Variants in CPNE8 observed in about 807,000 individuals in gnomAD.
CPNE8 encodes copine 8.
In CPNE8, 45 loss-of-function variants were observed where a neutral mutation model predicts 81.5. The observed-to-expected ratio is 0.55, with a 90% CI of 0.44 to 0.71. CPNE8 has a LOEUF of 0.71. CPNE8 is among the 30% of genes least tolerant of loss of function. The probability of loss-of-function intolerance (pLI) is 0.00; values close to 1 mark genes in which losing one functional copy is unlikely to be tolerated. For synonymous variants in CPNE8, 252 were observed against 226.3 expected (o/e 1.11, Z -1.02); for missense variants, 594 against 672.1 (o/e 0.88, Z 1.28).
intron 14 of CPNE8, among the ~76,000 whole-genome samples, chr12:38,700,402 C>T (rs367997348): frequency 2.6e-5 from 4 of 151,888 alleles, no homozygotes; most frequent in South Asian, 4.2e-4. Context: ...ACACGCCTGG[C>T]TAATTTTTTG....
At chr12:38,696,309 T>C (rs1939795990) in intron 14 of CPNE8, among the ~76,000 whole-genome samples, 1 of 152,056 alleles carries the variant, frequency 6.6e-6, no homozygotes, top group Admixed American at 6.6e-5. Flanking sequence ...AGACAACCCT[T>C]TTTGTTTATT....
intron 16 of CPNE8, among the ~76,000 whole-genome samples, chr12:38,683,424 T>C (rs1407035767): frequency 6.6e-6 from 1 of 152,164 alleles, no homozygotes; most frequent in Non-Finnish European, 1.5e-5. Context: ...GGTATGATGC[T>C]AAGTACTGTT....
At chr12:38,797,060 G>C (rs1248658251) in intron 6 of CPNE8, among the ~76,000 whole-genome samples, 3 of 152,130 alleles carry the variant, frequency 2.0e-5, no homozygotes, top group Non-Finnish European at 2.9e-5. Flanking sequence ...GAACTGGGTG[G>C]AGCCCACCAC....
At chr12:38,671,553 A>C (rs1259225535) in intron 18 of CPNE8, among the ~76,000 whole-genome samples, 1 of 152,176 alleles carries the variant, frequency 6.6e-6, no homozygotes, top group East Asian at 1.9e-4. Flanking sequence ...AGAATTCTCT[A>C]AATAATTAAT....
intron 10 of CPNE8, among the ~76,000 whole-genome samples, chr12:38,744,260 A>ATTT (rs1163632911): frequency 6.6e-6 from 1 of 152,040 alleles, no homozygotes; most frequent in Non-Finnish European, 1.5e-5. Flanking sequence ...AATCTGAAAT[A>ATTT]TTTTCATTCT....
In CPNE8 at chr12:38,660,627, A is replaced by T. The variant is rs113856566; in HGVS notation, c.1507-6557T>A. Among the ~76,000 whole-genome samples, 1,083 of 152,332 alleles carry T rather than the reference A, an allele frequency of 7.1e-3. 19 individuals are homozygous for T. The highest frequency in any genetic ancestry group is 0.025 in the African/African-American group (1,035 of 41,572). ...CAAAATTGACAAATGGGATCTAATT[A>T]AACTAAAGAGCTTCTGCACAGCAAA... On this transcript the variant is annotated intron_variant, in intron 19 of 19. Transcript: ENST00000331366.
intron 15 of CPNE8, among the ~76,000 whole-genome samples, chr12:38,693,172 T>C (rs77598870): frequency 0.056 from 8,465 of 152,140 alleles, 518 homozygotes; most frequent in East Asian, 0.32. Context: ...AGACATAACA[T>C]GGAGAAGATC....
rs12230422 is a variant in CPNE8, at chr12:38,767,245, A to G, written c.575+390T>C. On this transcript the variant is annotated intron_variant, in intron 8 of 19. Coordinates refer to ENST00000331366, the MANE Select transcript of CPNE8 (RefSeq NM_153634.3). ...AACATTTTTACTGAAAGTTAGTCTC[A>G]GATATTATTGGCAAAAAAAACCCAC... Among the ~76,000 whole-genome samples the G allele has an allele frequency of 0.041, 6,312 of 152,158 alleles. 535 individuals carry two copies. In the East Asian group the frequency reaches 0.42, roughly 10 times the overall value.
At chr12:38,828,927 C>A (rs943139098) in intron 6 of CPNE8, among the ~76,000 whole-genome samples, 1 of 152,140 alleles carries the variant, frequency 6.6e-6, no homozygotes, top group African/African-American at 2.4e-5. Flanking sequence ...TTAGTGATTA[C>A]CTTCTCCCAA....
chr12:38,790,106 G>T (rs1942288144), intron 6 of CPNE8, among the ~76,000 whole-genome samples: 1 of 151,586 alleles, frequency 6.6e-6, no homozygotes, highest in African/African-American at 2.4e-5. Flanking sequence ...ATATCTACTA[G>T]GTATATACAA....
chr12:38,906,154 G>A (rs1944569155), upstream of CPNE8: 1 of 985,808 alleles, frequency 1.0e-6, no homozygotes, highest in Non-Finnish European at 1.2e-6. Flanking sequence ...CGCCCTCGGA[G>A]CTCTTGGGAG....
chr12:38,906,037 G>T, upstream of CPNE8: 1 of 987,276 alleles, frequency 1.0e-6, no homozygotes, highest in Non-Finnish European at 1.2e-6. Context: ...TGGACGGGAA[G>T]GTCTCGAAGT....
At chr12:38,760,710 T>G in intron 10 of CPNE8, 137 bp downstream of exon 10, 2 of 689,896 alleles carry the variant, frequency 2.9e-6, no homozygotes, top group Non-Finnish European at 5.1e-6. Flanking sequence ...AAATTTCATG[T>G]AAATGCATCA....
intron 15 of CPNE8, among the ~76,000 whole-genome samples, chr12:38,686,572 A>G (rs1939539456): frequency 6.6e-6 from 1 of 152,262 alleles, no homozygotes; most frequent in Non-Finnish European, 1.5e-5. Context: ...GCTTAAAGCA[A>G]TGAACATTTA....
chr12:38,724,597 C>T (rs1479828627), intron 12 of CPNE8, among the ~76,000 whole-genome samples: 1 of 152,134 alleles, frequency 6.6e-6, no homozygotes, highest in Non-Finnish European at 1.5e-5. Flanking sequence ...AAACTTCAGC[C>T]TCTCTCAGAG....
chr12:38,726,084 G>T (rs1565585742), intron 11 of CPNE8, among the ~76,000 whole-genome samples: 1 of 152,056 alleles, frequency 6.6e-6, no homozygotes, highest in African/African-American at 2.4e-5. Context: ...ATGCTGTGTG[G>T]CCCAGTTCCT....
intron 1 of CPNE8, among the ~76,000 whole-genome samples, chr12:38,888,293 A>G (rs2137136056): frequency 6.6e-6 from 1 of 152,366 alleles, no homozygotes; most frequent in African/African-American, 2.4e-5. Flanking sequence ...ATTTCAAAAG[A>G]AAATCTTTAT....
chr12:38,708,883 T>C (rs955597463), intron 13 of CPNE8, among the ~76,000 whole-genome samples: 2 of 152,232 alleles, frequency 1.3e-5, no homozygotes, highest in Non-Finnish European at 2.9e-5. Context: ...AAAACTGTGA[T>C]AGGGATGTGC....
intron 19 of CPNE8, among the ~76,000 whole-genome samples, chr12:38,656,102 T>TAAAAA (rs34646191): frequency 7.0e-6 from 1 of 141,898 alleles, no homozygotes; most frequent in East Asian, 2.0e-4. Context: ...ATCAAAGAGG[T>TAAAAA]AAAAAAAAAA....
Sources: gnomAD v4.1 joint callset for allele counts (sites outside exome capture counted in the v4.1 genomes callset) on GRCh38, gnomAD v4.1.1 for gene constraint, MANE v1.5 for transcripts, NCBI Gene and HGNC (gene_info 2026-07-23, HGNC 2026-07-21) for gene names.